The following ARHGAP42 variants were observed in gnomAD, a reference collection of about 807,000 sequenced individuals.
ARHGAP42 encodes the protein Rho GTPase activating protein 42, also known as rho GTPase-activating protein 42.
A neutral mutation model predicts 125.0 loss-of-function variants in ARHGAP42; 63 were observed. That is an observed-to-expected ratio of 0.50 (90% confidence interval 0.41 to 0.62). The LOEUF is 0.62. ARHGAP42 is among the 20% of genes least tolerant of loss of function. The pLI is 0.00. For missense variants in ARHGAP42, 766 were observed against 1,024.2 expected, an observed-to-expected ratio of 0.75 and a Z score of 3.44; for synonymous variants, 339 against 351.0, an observed-to-expected ratio of 0.97 and a Z score of 0.38.
chr11:100,723,894 G>A (rs1470978880), intron 1 of ARHGAP42, among the ~76,000 whole-genome samples: 3 of 151,996 alleles, frequency 2.0e-5, no homozygotes, highest in Non-Finnish European at 4.4e-5. Flanking sequence ...GTAGGTTTTT[G>A]GTAGATCATC....
In ARHGAP42 at chr11:100,718,573, G is replaced by T. The variant is rs144278943; in HGVS notation, c.154+30741G>T. Reference sequence around the variant, plus strand: ...TTGGACAAGGACTCAAACACACCACGAATAGAAAAATTAAAGTTACATATA... The same window carrying T: ...TTGGACAAGGACTCAAACACACCACTAATAGAAAAATTAAAGTTACATATA... On this transcript the variant is annotated intron_variant, in intron 1 of 23. Coordinates refer to ENST00000298815, the MANE Select transcript of ARHGAP42 (RefSeq NM_152432.4). Among the ~76,000 whole-genome samples the T allele has an allele frequency of 5.0e-3, 759 of 152,196 alleles. 7 individuals are homozygous for T. Among genetic ancestry groups the T allele is most frequent in the African/African-American group, 0.018 (732 of 41,516 alleles).
chr11:100,899,770 C>CTCCA (rs1231057097), intron 4 of ARHGAP42, among the ~76,000 whole-genome samples: 1 of 143,946 alleles, frequency 6.9e-6, no homozygotes, highest in Non-Finnish European at 1.5e-5. Flanking sequence ...GTAGATCTTC[C>CTCCA]TCCATCCCTT....
chr11:100,710,675 G>A lies in ARHGAP42; in HGVS notation c.154+22843G>A, dbSNP rs368654572. On this transcript the variant is annotated intron_variant, in intron 1 of 23. Transcript: ENST00000298815. ...CTGCCTCAGCCTCCCGAAGTAGCTG[G>A]GACCACAGGCACATGCCACCACACC... is the stretch of plus-strand genomic sequence containing the variant. Among the ~76,000 whole-genome samples, 78 of 151,182 alleles carry A rather than the reference G, an allele frequency of 5.2e-4. 1 individual carries two copies. The highest frequency in any genetic ancestry group is 1.8e-3 in the African/African-American group (76 of 41,086).
chr11:100,706,536 G>T (rs915955801), intron 1 of ARHGAP42, among the ~76,000 whole-genome samples: 8 of 152,112 alleles, frequency 5.3e-5, no homozygotes, highest in Non-Finnish European at 1.2e-4. Context: ...CTTATTCAGG[G>T]AATTGATATT....
intron 1 of ARHGAP42, among the ~76,000 whole-genome samples, chr11:100,739,700 TC>T (rs1862141318): frequency 6.6e-6 from 1 of 152,220 alleles, no homozygotes; most frequent in African/African-American, 2.4e-5. Flanking sequence ...CTTTTCTTGT[TC>T]CTTTTGTAAA....
intron 1 of ARHGAP42, among the ~76,000 whole-genome samples, chr11:100,764,475 C>T (rs1862785022): frequency 6.6e-6 from 1 of 152,094 alleles, no homozygotes. Flanking sequence ...AGCACTGGCC[C>T]TCATAGCTTT....
At chr11:100,852,830 C>A (rs1464259549) in intron 3 of ARHGAP42, among the ~76,000 whole-genome samples, 1 of 152,132 alleles carries the variant, frequency 6.6e-6, no homozygotes, top group Non-Finnish European at 1.5e-5. Flanking sequence ...ATTGTGCCAC[C>A]AGAGGTACAA....
intron 20 of ARHGAP42, 95 bp from the exon 21 acceptor site, chr11:100,976,718 CAG>C (rs1858400276): frequency 9.8e-6 from 14 of 1,430,394 alleles, no homozygotes; most frequent in Non-Finnish European, 1.3e-5. Context: ...CATTTGGGCT[CAG>C]AGAAAAATGC....
chr11:100,921,202 A>AT (rs1867235544), intron 5 of ARHGAP42, among the ~76,000 whole-genome samples: 1 of 39,274 alleles, frequency 2.5e-5, no homozygotes, highest in African/African-American at 1.1e-4. Flanking sequence ...CCCCTCTTGT[A>AT]ATATATATAT....
chr11:100,992,335 C>G lies in ARHGAP42; in HGVS notation c.*3534C>G. 6.2e-7 allele frequency: 1 copy of G among 1,610,222 alleles called. No homozygotes were observed. On this transcript the variant is annotated 3_prime_UTR_variant, in exon 24 of 24. Coordinates refer to ENST00000298815, the MANE Select transcript of ARHGAP42 (RefSeq NM_152432.4). ...TGACCTCACATCACTGCGTAGGACCCGGAAATCACATCTCCTGGTCAGGTC... is the reference window on the plus strand; with the variant it reads ...TGACCTCACATCACTGCGTAGGACCGGGAAATCACATCTCCTGGTCAGGTC...
intron 14 of ARHGAP42, among the ~76,000 whole-genome samples, chr11:100,961,437 G>T (rs1857952340): frequency 6.6e-6 from 1 of 152,162 alleles, no homozygotes; most frequent in South Asian, 2.1e-4. Context: ...CACATGGTAA[G>T]TGCTCTGTCA....
intron 4 of ARHGAP42, among the ~76,000 whole-genome samples, chr11:100,879,009 A>G (rs181453820): frequency 2.9e-4 from 44 of 151,832 alleles, no homozygotes; most frequent in Admixed American, 7.9e-4. Context: ...GAAAGAAGAC[A>G]TGAACAAATA....
At chr11:100,812,810 G>T (rs986131864) in intron 3 of ARHGAP42, among the ~76,000 whole-genome samples, 2 of 152,158 alleles carry the variant, frequency 1.3e-5, no homozygotes, top group African/African-American at 4.8e-5. Flanking sequence ...ATTGGGCGGG[G>T]GGATTATGAA....
intron 3 of ARHGAP42, among the ~76,000 whole-genome samples, chr11:100,848,496 T>A (rs191639334): frequency 4.0e-4 from 61 of 151,826 alleles, no homozygotes; most frequent in African/African-American, 1.4e-3. Flanking sequence ...ACTTTTCTTT[T>A]TCTTTCTTTC....
Position 100,936,352 on chromosome 11 carries a change from T to C in ARHGAP42, c.832+20T>C, listed in dbSNP as rs1867737867. On this transcript the variant is annotated intron_variant, in intron 8 of 23. Coordinates refer to ENST00000298815, the MANE Select transcript of ARHGAP42 (RefSeq NM_152432.4). ...AGAAACGTGAGTCACAAAGACATAATTTCACGTCTCTTATGACTTAGCCAC... is the reference window on the plus strand; with the variant it reads ...AGAAACGTGAGTCACAAAGACATAACTTCACGTCTCTTATGACTTAGCCAC... The C allele has an allele frequency of 1.3e-6, 2 of 1,551,342 alleles. No homozygotes were observed. Among genetic ancestry groups the C allele is most frequent in the African/African-American group, 2.7e-5 (2 of 73,146 alleles).
At chr11:100,734,175 C>A (rs960893861) in intron 1 of ARHGAP42, among the ~76,000 whole-genome samples, 1 of 151,060 alleles carries the variant, frequency 6.6e-6, no homozygotes, top group Non-Finnish European at 1.5e-5. Context: ...CCTCATGATC[C>A]GCCCACCTCG....
At chr11:100,875,551 A>G (rs946771682) in intron 4 of ARHGAP42, among the ~76,000 whole-genome samples, 1 of 152,202 alleles carries the variant, frequency 6.6e-6, no homozygotes, top group Non-Finnish European at 1.5e-5. Flanking sequence ...GCAGTGAGGC[A>G]GCCCTCAGCC....
chr11:100,781,261 G>A (rs1002323454), intron 2 of ARHGAP42, among the ~76,000 whole-genome samples: 8 of 151,542 alleles, frequency 5.3e-5, no homozygotes, highest in Non-Finnish European at 8.8e-5. Flanking sequence ...GTACATGTGA[G>A]GGTGGGGAGG....
intron 6 of ARHGAP42, among the ~76,000 whole-genome samples, chr11:100,927,802 G>A (rs1178129450): frequency 5.9e-5 from 9 of 152,120 alleles, no homozygotes; most frequent in Non-Finnish European, 1.2e-4. Context: ...GTGCTGAGGC[G>A]ATGCATGGCC....
Sources: allele counts gnomAD v4.1 joint callset (sites outside exome capture counted in the v4.1 genomes callset), GRCh38; gene constraint gnomAD v4.1.1; transcripts MANE v1.5; gene names NCBI Gene and HGNC (gene_info 2026-07-23, HGNC 2026-07-21).